Variants in AHR observed in about 807,000 individuals in gnomAD.
AHR encodes the protein aryl hydrocarbon receptor.
AHR carries 40 observed loss-of-function variants against 86.8 expected under a neutral mutation model. That is an observed-to-expected ratio of 0.46 (90% CI 0.36 to 0.60). The LOEUF (loss-of-function observed/expected upper bound fraction) is 0.60, where lower values mean the gene tolerates loss of function less well. AHR is among the 20% of genes least tolerant of loss of function. The pLI is 0.00. For missense variants in AHR, 1,001 were observed against 1,011.6 expected (o/e 0.99, Z 0.14); for synonymous variants, 398 against 354.9 (o/e 1.12, Z -1.37).
chr7:17,332,938 G>C lies in AHR; in HGVS notation c.706-974G>C, dbSNP rs180793631. Among the ~76,000 whole-genome samples, 270 of 151,814 alleles carry C rather than the reference G, an allele frequency of 1.8e-3. 1 individual carries two copies. In the Middle Eastern group the frequency reaches 0.068, roughly 38 times the overall value. On this transcript the variant is annotated intron_variant, in intron 6 of 10. Coordinates refer to ENST00000242057, the MANE Select transcript of AHR (RefSeq NM_001621.5). ...TGTTTACAATAAGTGCTCTTATACA[G>C]GTATACCATTTTTTGTCTTTTATAC...
At chr7:17,302,702 A>T (rs1781966396) in intron 1 of AHR, among the ~76,000 whole-genome samples, 2 of 151,852 alleles carry the variant, frequency 1.3e-5, no homozygotes, top group Non-Finnish European at 2.9e-5. Context: ...CTAAAAAATG[A>T]GGTCTAGTTT....
chr7:17,340,450 A>G (rs1239113391), intron 10 of AHR, among the ~76,000 whole-genome samples: 2 of 151,994 alleles, frequency 1.3e-5, no homozygotes, highest in Non-Finnish European at 2.9e-5. Flanking sequence ...AGGGAGAAAG[A>G]TATCAAGGAA....
Position 17,339,489 on chromosome 7 carries a change from A to C in AHR, c.1664A>C (p.His555Pro). The C allele has an allele frequency of 6.2e-7, 1 of 1,614,132 alleles. No homozygotes were observed. The change falls in exon 10 of 11, where the codon CAC (histidine) becomes CCC (proline). Residue 555 changes from histidine to proline, a missense_variant. His to Pro is a moderately conservative substitution (Grantham distance 77). Coordinates refer to ENST00000242057, the MANE Select transcript of AHR (RefSeq NM_001621.5). The stretch of plus-strand genomic sequence containing the variant: ...GGCATTGATTTTGAAGACATCAGAC[A>C]CATGCAGAATGAAAAATTTTTCAGA... ...NLGIDFEDIR[H>P]MQNEKFFRND... is the part of the protein sequence containing the mutation.
intron 10 of AHR, among the ~76,000 whole-genome samples, chr7:17,341,950 TCTGGCCAGGTA>T (rs1046680172): frequency 8.5e-5 from 13 of 152,164 alleles, no homozygotes; most frequent in African/African-American, 2.9e-4. Context: ...CTCACCATTA[TCTGGCCAGGTA>T]ATACTAACTT....
chr7:17,332,936 C>G (rs1362951632), intron 6 of AHR, among the ~76,000 whole-genome samples: 1 of 151,910 alleles, frequency 6.6e-6, no homozygotes, highest in East Asian at 1.9e-4. Flanking sequence ...TGCTCTTATA[C>G]AGGTATACCA....
chr7:17,313,709 C>T (rs934331166), intron 2 of AHR, among the ~76,000 whole-genome samples: 1 of 151,824 alleles, frequency 6.6e-6, no homozygotes, highest in African/African-American at 2.4e-5. Context: ...GTTATAAAGT[C>T]GAAAATAGTT....
At chr7:17,326,996 G>A (rs1782237086) in intron 3 of AHR, among the ~76,000 whole-genome samples, 1 of 151,964 alleles carries the variant, frequency 6.6e-6, no homozygotes, top group African/African-American at 2.4e-5. Flanking sequence ...AGTTGATATT[G>A]GACTTGAATT....
chr7:17,307,168 C>T (rs1782014148), intron 1 of AHR, among the ~76,000 whole-genome samples: 1 of 151,924 alleles, frequency 6.6e-6, no homozygotes, highest in Non-Finnish European at 1.5e-5. Context: ...TGGAGGGATA[C>T]CTTTATGTTA....
rs1434007470 is a variant in AHR at position 17,346,135 on chromosome 7, TAAC to T, written c.*3074_*3076del. The T allele has an allele frequency of 1.3e-5, 2 of 152,332 alleles. No homozygotes were observed. The highest frequency in any genetic ancestry group is 1.9e-4 in the East Asian group (1 of 5,210). 9.4% of individuals were successfully genotyped at this position (152,332 alleles called of 1,614,324 possible). The stretch of plus-strand genomic sequence containing the variant: ...TTGTATACAATAATATATAATAAAA[TAAC>T]AAATATGAATAATATGTTTTAATGT... On this transcript the variant is annotated 3_prime_UTR_variant, in exon 11 of 11. Transcript: ENST00000242057.
In AHR at chr7:17,339,988, G is replaced by A. The variant is rs1441284316; in HGVS notation, c.2163G>A (p.Met721Ile). The A allele has an allele frequency of 6.2e-7, 1 of 1,614,168 alleles. No homozygotes were observed. Among genetic ancestry groups the A allele is most frequent in the Non-Finnish European group, 8.5e-7 (1 of 1,180,020 alleles). Residue 721 changes from methionine (M) to isoleucine (I), a missense_variant, in exon 10 of 11, where the codon ATG becomes ATA. Physicochemically the swap from Met to Ile is conservative, Grantham distance 10. This residue lies in a region of AHR where 607 missense variants were observed against 543.1 expected (regional missense o/e 1.12). Transcript: ENST00000242057. ...HSKCTELDYP[M>I]GSFEPSPYPT... Reference sequence around the variant, plus strand: ...AATGTACAGAGCTGGACTACCCTATGGGGAGTTTTGAACCATCCCCATACC... The same window carrying A: ...AATGTACAGAGCTGGACTACCCTATAGGGAGTTTTGAACCATCCCCATACC...
chr7:17,327,118 G>T (rs1162757698), intron 3 of AHR, among the ~76,000 whole-genome samples: 1 of 151,962 alleles, frequency 6.6e-6, no homozygotes, highest in Non-Finnish European at 1.5e-5. Flanking sequence ...TTATACATGT[G>T]AATGTGCTGT....
rs377480831 is a variant in AHR, at chr7:17,340,009, A to G, written c.2184A>G (p.Pro728=). ...DYPMGSFEPS[P]YPTTSSLEDF... is the part of the protein sequence containing the mutation. ...CTATGGGGAGTTTTGAACCATCCCC[A>G]TACCCCACTACTTCTAGTTTAGAAG... Residue 728 remains proline, a synonymous_variant, in exon 10 of 11, where the codon CCA becomes CCG. Coordinates refer to ENST00000242057, the MANE Select transcript of AHR (RefSeq NM_001621.5). The G allele has an allele frequency of 2.2e-5, 36 of 1,614,128 alleles. No homozygotes were observed. The African/African-American group carries it at 4.1e-4, about 19-fold the overall frequency.
At chr7:17,327,364 GT>G (rs2115362309) in intron 3 of AHR, among the ~76,000 whole-genome samples, 1 of 151,994 alleles carries the variant, frequency 6.6e-6, no homozygotes, top group South Asian at 2.1e-4. Flanking sequence ...TTCTATTAAT[GT>G]TCCCAGTTTA....
chr7:17,320,238 T>C (rs897255256), intron 2 of AHR, among the ~76,000 whole-genome samples: 3 of 152,042 alleles, frequency 2.0e-5, no homozygotes, highest in Admixed American at 1.3e-4. Context: ...ATAGCTTATA[T>C]CCCCTACTTA....
At chr7:17,314,682 G>A (rs1282267360) in intron 2 of AHR, among the ~76,000 whole-genome samples, 1 of 152,006 alleles carries the variant, frequency 6.6e-6, no homozygotes, top group Non-Finnish European at 1.5e-5. Flanking sequence ...CAAAGAACAA[G>A]CTTGAACAAG....
rs933119290 is a variant in AHR at position 17,299,146 on chromosome 7, G to T, written c.-119G>T. Reference sequence around the variant, plus strand: ...CCACTGTCCCGAGAGGACGCAGGTGGAGCGGGCGCGGCTTCGCGGAACCCG... The same window carrying T: ...CCACTGTCCCGAGAGGACGCAGGTGTAGCGGGCGCGGCTTCGCGGAACCCG... On this transcript the variant is annotated 5_prime_UTR_variant, in exon 1 of 11. Transcript: ENST00000242057. 1.6e-5 allele frequency: 18 copies of T among 1,118,840 alleles called. No homozygotes were observed. Among genetic ancestry groups the T allele is most frequent in the Admixed American group, 3.0e-5 (1 of 33,158 alleles). 69.3% of individuals were successfully genotyped at this position (1,118,840 alleles called of 1,614,324 possible).
In AHR at chr7:17,334,872, TTTTA is replaced by T. The variant is rs1782338496; in HGVS notation, c.909-11_909-8del. ...CTTAATCCATTCTTATTTTACCTTT[TTTTA>T]TTTTAAACAGAGGAAGAATTGTTTT... On this transcript the variant is annotated splice_polypyrimidine_tract_variant and intron_variant, in intron 7 of 10. Transcript: ENST00000242057. 6.4e-7 allele frequency: 1 copy of T among 1,564,730 alleles called. No homozygotes were observed. The highest frequency in any genetic ancestry group is 2.2e-5 in the East Asian group (1 of 44,502).
chr7:17,335,048 G>T, intron 8 of AHR, 52 bp downstream of exon 8: 1 of 1,330,054 alleles, frequency 7.5e-7, no homozygotes. Context: ...ATATACTGTT[G>T]TACATGTTTC....
chr7:17,334,037 A>C lies in AHR; in HGVS notation c.831A>C (p.Ile277=). Residue 277 remains isoleucine (I), a synonymous_variant, in exon 7 of 11, where the codon ATA becomes ATC. Coordinates refer to ENST00000242057, the MANE Select transcript of AHR (RefSeq NM_001621.5). ...AIATPLQPPS[I]LEIRTKNFIF... ...CTACTCCACTTCAGCCACCATCCATACTTGAAATCCGGACCAAAAATTTTA... is the reference window on the plus strand; with the variant it reads ...CTACTCCACTTCAGCCACCATCCATCCTTGAAATCCGGACCAAAAATTTTA... The C allele has an allele frequency of 6.2e-7, 1 of 1,613,594 alleles. No homozygotes were observed. Among genetic ancestry groups the C allele is most frequent in the Non-Finnish European group, 8.5e-7 (1 of 1,179,564 alleles).
Sources: allele counts gnomAD v4.1 joint callset (sites outside exome capture counted in the v4.1 genomes callset), GRCh38; gene constraint gnomAD v4.1.1; regional missense constraint gnomAD v4.1.1; transcripts MANE v1.5; gene names NCBI Gene and HGNC (gene_info 2026-07-23, HGNC 2026-07-21).